ABCB11: variants seen among roughly 807,000 people sequenced by gnomAD.
The protein encoded by ABCB11 is ATP binding cassette subfamily B member 11, also known as bile salt export pump.
A neutral mutation model predicts 148.0 loss-of-function variants in ABCB11; 95 were observed. The ratio of observed to expected loss-of-function variants is 0.64; its 90% CI spans 0.54 to 0.76. The LOEUF (loss-of-function observed/expected upper bound fraction) is 0.76. Ranked by LOEUF, ABCB11 falls within the 30% of genes least tolerant of loss-of-function variation. The pLI, the probability that ABCB11 is intolerant of heterozygous loss-of-function variation, is 0.00. For missense variants in ABCB11, 1,523 were observed against 1,617.8 expected, an observed-to-expected ratio of 0.94 and a Z score of 1.01; for synonymous variants, 591 against 555.4, an observed-to-expected ratio of 1.06 and a Z score of -0.90.
Position 168,932,479 on chromosome 2 carries a change from G to A in ABCB11, c.3111C>T (p.Tyr1037=), listed in dbSNP as rs767040540. The A allele has an allele frequency of 3.2e-5, 52 of 1,613,474 alleles. No individual in the cohort carries two copies. Among genetic ancestry groups the A allele is most frequent in the Non-Finnish European group, 4.1e-5 (48 of 1,179,742 alleles). The change falls in exon 24 of 28, where the codon TAC becomes TAT. Residue 1037 remains tyrosine, a synonymous_variant. Coordinates refer to ENST00000650372, the MANE Select transcript of ABCB11 (RefSeq NM_003742.4). ...SATALGRAFS[Y]TPSYAKAKIS... is the part of the protein sequence containing the mutation. The stretch of plus-strand genomic sequence containing the variant: ...TTTTAGCTTTTGCATAACTTGGGGT[G>A]TAAGAGAAGGCTCTTCCAAGAGCTG...
At chr2:169,004,721 A>G (rs938559665) in intron 5 of ABCB11, among the ~76,000 whole-genome samples, 4 of 152,102 alleles carry the variant, frequency 2.6e-5, no homozygotes, top group Non-Finnish European at 1.5e-5. Flanking sequence ...AGCTGGTATG[A>G]TCTTTTCAGG....
chr2:168,958,964 G>A (rs578029945), intron 18 of ABCB11, among the ~76,000 whole-genome samples: 1 of 151,744 alleles, frequency 6.6e-6, no homozygotes, highest in East Asian at 2.0e-4. Flanking sequence ...ATTTTTAAAA[G>A]CTTTTCTATT....
intron 6 of ABCB11, 104 bp from the exon 7 acceptor site, chr2:168,995,586 G>T (rs1410629770): frequency 8.0e-7 from 1 of 1,249,076 alleles, no homozygotes; most frequent in Non-Finnish European, 1.1e-6. Flanking sequence ...AGAAAAGGGG[G>T]AAAGTAATTC....
intron 1 of ABCB11, among the ~76,000 whole-genome samples, chr2:169,029,018 A>G (rs771657417): frequency 6.6e-6 from 1 of 152,186 alleles, no homozygotes; most frequent in African/African-American, 2.4e-5. Context: ...GGAGCTGAGG[A>G]CAGTGAGGGG....
intron 11 of ABCB11, among the ~76,000 whole-genome samples, chr2:168,979,564 C>T (rs1360747106): frequency 1.3e-5 from 2 of 151,368 alleles, no homozygotes; most frequent in Non-Finnish European, 1.5e-5. Context: ...CTGTTGCATT[C>T]ACTCCCTTGA....
In ABCB11 at chr2:168,932,500, A is replaced by G. The variant is rs1393380041; in HGVS notation, c.3090T>C (p.Ala1030=). 1 of 1,613,752 alleles carries G rather than the reference A, an allele frequency of 6.2e-7. No homozygotes were observed. ...VISAVVLSAT[A]LGRAFSYTPS... is the part of the protein sequence containing the mutation. ...GGGTGTAAGAGAAGGCTCTTCCAAG[A>G]GCTGTTGCACTCAGTACAACTGCAG... The change falls in exon 24 of 28, where the codon GCT becomes GCC. Residue 1030 remains alanine (A), a synonymous_variant. Coordinates refer to ENST00000650372, the MANE Select transcript of ABCB11 (RefSeq NM_003742.4).
At position 168,993,886 on chromosome 2, in the gene ABCB11, G is replaced by T; in HGVS notation, c.612-4C>A. ...ATCATTGATTTTATTAATATCACTA[G>T]AAACCAGAAAGATTTTGGTCACTAA... is the stretch of plus-strand genomic sequence containing the variant. On this transcript the variant is annotated splice_polypyrimidine_tract_variant and splice_region_variant and intron_variant, in intron 7 of 27. Transcript: ENST00000650372. The T allele has an allele frequency of 6.2e-7, 1 of 1,600,694 alleles. No individual in the cohort carries two copies. Among genetic ancestry groups the T allele is most frequent in the South Asian group, 1.1e-5 (1 of 88,270 alleles).
rs750275990 is a variant in ABCB11, at chr2:169,014,370, T to G, written c.99-16A>C. Reference sequence around the variant, plus strand: ...ATCTTGTAACCTGATGAGAAAAACATAAGGATTTAAAGACCACCCTTTCCA... The same window carrying G: ...ATCTTGTAACCTGATGAGAAAAACAGAAGGATTTAAAGACCACCCTTTCCA... On this transcript the variant is annotated splice_polypyrimidine_tract_variant and intron_variant, in intron 3 of 27. Coordinates refer to ENST00000650372, the MANE Select transcript of ABCB11 (RefSeq NM_003742.4). 2 of 1,611,656 alleles carry G rather than the reference T, an allele frequency of 1.2e-6. No individual in the cohort carries two copies. The highest frequency in any genetic ancestry group is 1.7e-5 in the Admixed American group (1 of 59,924).
intron 17 of ABCB11, among the ~76,000 whole-genome samples, chr2:168,965,955 C>T (rs1693297599): frequency 6.6e-6 from 1 of 151,782 alleles, no homozygotes; most frequent in Non-Finnish European, 1.5e-5. Flanking sequence ...TTTCCTCAAG[C>T]CCTCCCTCTT....
chr2:168,984,927 T>C (rs1166543760), intron 10 of ABCB11, among the ~76,000 whole-genome samples: 1 of 152,026 alleles, frequency 6.6e-6, no homozygotes, highest in East Asian at 1.9e-4. Flanking sequence ...CAAAGATAAA[T>C]AGGTGAGACT....
intron 21 of ABCB11, among the ~76,000 whole-genome samples, chr2:168,944,307 A>C (rs964540015): frequency 1.3e-5 from 2 of 151,980 alleles, no homozygotes; most frequent in African/African-American, 2.4e-5. Flanking sequence ...AATCTTGTTG[A>C]AGCTGAGTCT....
chr2:168,917,547 T>C (rs990309883), downstream of ABCB11, among the ~76,000 whole-genome samples: 3 of 152,214 alleles, frequency 2.0e-5, no homozygotes, highest in Non-Finnish European at 2.9e-5. Flanking sequence ...TCAAATAAAA[T>C]GTATGATGTA....
chr2:168,988,194 T>A (rs1694391617), intron 9 of ABCB11, among the ~76,000 whole-genome samples: 1 of 152,132 alleles, frequency 6.6e-6, no homozygotes, highest in South Asian at 2.1e-4. Flanking sequence ...ATTAATGTCA[T>A]TATTTTTAAA....
chr2:168,925,308 A>AT (rs1188402379), intron 26 of ABCB11, among the ~76,000 whole-genome samples: 1 of 152,146 alleles, frequency 6.6e-6, no homozygotes, highest in Admixed American at 6.5e-5. Context: ...AATTATTTAA[A>AT]TTTTTTTGAG....
At chr2:168,916,292 T>A (rs546114753), downstream of ABCB11, among the ~76,000 whole-genome samples, 2 of 152,322 alleles carry the variant, frequency 1.3e-5, no homozygotes, top group South Asian at 4.1e-4. Context: ...GTTCTCACAT[T>A]TATTTTGTAT....
chr2:169,013,245 A>T, intron 5 of ABCB11, 27 bp downstream of exon 5: 1 of 1,549,758 alleles, frequency 6.5e-7, no homozygotes, highest in Middle Eastern at 1.7e-4. Flanking sequence ...GCAAAAAAGT[A>T]AAAAATTAAA....
chr2:169,010,602 T>C (rs1289846266), intron 5 of ABCB11, among the ~76,000 whole-genome samples: 3 of 152,232 alleles, frequency 2.0e-5, no homozygotes, highest in Non-Finnish European at 2.9e-5. Context: ...TTTAATGATA[T>C]ACTTTTTCCA....
At chr2:168,968,358 G>A in intron 17 of ABCB11, 69 bp downstream of exon 17, 1 of 1,420,704 alleles carries the variant, frequency 7.0e-7, no homozygotes, top group Admixed American at 1.9e-5. Context: ...ATTCTCTGAG[G>A]ATTAGGACTA....
chr2:168,930,729 C>T lies in ABCB11; in HGVS notation c.3347G>A (p.Gly1116Glu). The change falls in exon 25 of 28, where the codon GGA becomes GAA. Residue 1116 changes from glycine (G) to glutamate (E), a missense_variant. Physicochemically the swap from Gly to Glu is moderately conservative, Grantham distance 98 (BLOSUM62 -2). Coordinates refer to ENST00000650372, the MANE Select transcript of ABCB11 (RefSeq NM_003742.4). ...GQTLAFVGSS[G>E]CGKSTSIQLL... The stretch of plus-strand genomic sequence containing the variant: ...CTGAATGCTAGTGCTTTTGCCACAT[C>T]CACTGCTCCCAACAAACGCCAGTGT... 3.1e-6 allele frequency: 5 copies of T among 1,607,192 alleles called. No homozygotes were observed. Among genetic ancestry groups the T allele is most frequent in the Non-Finnish European group, 4.3e-6 (5 of 1,175,226 alleles).
Sources: allele counts gnomAD v4.1 joint callset (sites outside exome capture counted in the v4.1 genomes callset), GRCh38; gene constraint gnomAD v4.1.1; transcripts MANE v1.5; gene names NCBI Gene and HGNC (gene_info 2026-07-23, HGNC 2026-07-21).